KCNQ3: variants seen among roughly 807,000 people sequenced by gnomAD.
KCNQ3 encodes potassium voltage-gated channel subfamily KQT member 3.
In KCNQ3, 30 loss-of-function variants were observed where a neutral mutation model predicts 92.5. The ratio of observed to expected loss-of-function variants is 0.32; its 90% confidence interval spans 0.24 to 0.44. KCNQ3 has a LOEUF of 0.44. KCNQ3 is among the 20% of genes least tolerant of loss of function. The probability of loss-of-function intolerance (pLI) is 1.00; values close to 1 mark genes in which losing one functional copy is unlikely to be tolerated. For synonymous variants in KCNQ3, 450 were observed against 468.8 expected, an observed-to-expected ratio of 0.96 and a Z score of 0.52; for missense variants, 913 against 1,140.3, an observed-to-expected ratio of 0.80 and a Z score of 2.87.
chr8:132,418,362 G>C lies in KCNQ3; in HGVS notation c.386+61785C>G, dbSNP rs142887586. On this transcript the variant is annotated intron_variant, in intron 1 of 14. Coordinates refer to ENST00000388996, the MANE Select transcript of KCNQ3 (RefSeq NM_004519.4). ...GCGTGCTCACGGAAGGCTGGCAGGA[G>C]AGCAGAAAAAAGCAGGCGAGGGAGG... Among the ~76,000 whole-genome samples the C allele has an allele frequency of 7.9e-4, 121 of 152,276 alleles. 1 individual carries two copies. Among genetic ancestry groups the C allele is most frequent in the Admixed American group, 4.4e-3 (68 of 15,292 alleles).
chr8:132,465,497 C>T (rs960820088), intron 1 of KCNQ3, among the ~76,000 whole-genome samples: 2 of 151,946 alleles, frequency 1.3e-5, no homozygotes, highest in Admixed American at 6.6e-5. Context: ...GAGGCGGAGG[C>T]GGGAGGATCA....
intron 1 of KCNQ3, among the ~76,000 whole-genome samples, chr8:132,193,381 C>T (rs1009646233): frequency 6.6e-6 from 1 of 152,246 alleles, no homozygotes; most frequent in Non-Finnish European, 1.5e-5. Flanking sequence ...GCACGTGGCT[C>T]TAAAGCGGCA....
chr8:132,175,655 T>C lies in KCNQ3; in HGVS notation c.778-47A>G, dbSNP rs115153973. On this transcript the variant is annotated intron_variant, in intron 4 of 14. Coordinates refer to ENST00000388996, the MANE Select transcript of KCNQ3 (RefSeq NM_004519.4). ...ATGAAAAGTGGTCACTGGGGAGTCG[T>C]TGAGTGGATGCTGGAGCCAGACACA... 1.4e-3 allele frequency: 2,260 copies of C among 1,590,860 alleles called. 22 individuals carry two copies. The African/African-American group carries it at 0.027, about 19-fold the overall frequency.
chr8:132,287,289 A>G (rs958160568), intron 1 of KCNQ3, among the ~76,000 whole-genome samples: 12 of 152,220 alleles, frequency 7.9e-5, no homozygotes, highest in Non-Finnish European at 1.6e-4. Context: ...AAATGTAGGA[A>G]TATAAAAGGG....
At chr8:132,286,556 CT>C (rs1444017952) in intron 1 of KCNQ3, among the ~76,000 whole-genome samples, 10 of 152,082 alleles carry the variant, frequency 6.6e-5, no homozygotes, top group Non-Finnish European at 1.2e-4. Context: ...AGGAGCTTGC[CT>C]TGAGTCTCAG....
rs779686954 is a variant in KCNQ3 at position 132,127,091 on chromosome 8, G to A, written c.*2171C>T. 2.6e-5 allele frequency: 4 copies of A among 152,150 alleles called. No individual in the cohort carries two copies. Among genetic ancestry groups the A allele is most frequent in the Non-Finnish European group, 4.4e-5 (3 of 68,040 alleles). The allele number at this position is 152,150 out of a possible 1,614,324, so 9.4% of individuals were successfully genotyped here. ...ATTCAATAATCAAGCCCTCAGGAAG[G>A]GGCATAGGGTTTCTTAGGTTGTAAT... On this transcript the variant is annotated 3_prime_UTR_variant, in exon 15 of 15. Coordinates refer to ENST00000388996, the MANE Select transcript of KCNQ3 (RefSeq NM_004519.4).
intron 1 of KCNQ3, among the ~76,000 whole-genome samples, chr8:132,409,106 A>T (rs1161681585): frequency 6.6e-6 from 1 of 152,232 alleles, no homozygotes; most frequent in Non-Finnish European, 1.5e-5. Context: ...CAAGAAGCTC[A>T]TAGACACCTA....
chr8:132,290,043 T>G (rs1816796542), intron 1 of KCNQ3, among the ~76,000 whole-genome samples: 1 of 152,166 alleles, frequency 6.6e-6, no homozygotes, highest in African/African-American at 2.4e-5. Flanking sequence ...ACAGCAGACT[T>G]TAATTCATTT....
intron 1 of KCNQ3, among the ~76,000 whole-genome samples, chr8:132,269,273 A>T (rs947782898): frequency 6.6e-6 from 1 of 152,234 alleles, no homozygotes; most frequent in African/African-American, 2.4e-5. Flanking sequence ...TGCATTAAAA[A>T]ATCATTACCA....
chr8:132,399,042 A>G (rs1336512948), intron 1 of KCNQ3, among the ~76,000 whole-genome samples: 1 of 152,194 alleles, frequency 6.6e-6, no homozygotes, highest in Non-Finnish European at 1.5e-5. Context: ...AGGCATCGTA[A>G]AAGTCCACCA....
rs111733637 is a variant in KCNQ3 at position 132,391,167 on chromosome 8, T to C, written c.386+88980A>G. On this transcript the variant is annotated intron_variant, in intron 1 of 14. Coordinates refer to ENST00000388996, the MANE Select transcript of KCNQ3 (RefSeq NM_004519.4). Reference sequence around the variant, plus strand: ...GATTCTGCTGATAGTGCCTAGAGCATACCTTGTAAGTGCTAATGGGCACAA... The same window carrying C: ...GATTCTGCTGATAGTGCCTAGAGCACACCTTGTAAGTGCTAATGGGCACAA... Among the ~76,000 whole-genome samples, 1,463 of 152,314 alleles carry C rather than the reference T, an allele frequency of 9.6e-3. 23 individuals carry two copies. The highest frequency in any genetic ancestry group is 0.033 in the African/African-American group (1,365 of 41,568).
chr8:132,376,998 G>A lies in KCNQ3; in HGVS notation c.386+103149C>T, dbSNP rs546383478. ...ACAACGAAGGAGAGAGAGAGGAAAA[G>A]GGAATTGCGATGGTTAATTTCATGC... On this transcript the variant is annotated intron_variant, in intron 1 of 14. Coordinates refer to ENST00000388996, the MANE Select transcript of KCNQ3 (RefSeq NM_004519.4). 2.6e-5 allele frequency among the ~76,000 whole-genome samples: 4 copies of A among 152,346 alleles called. No individual in the cohort carries two copies. In the East Asian group the frequency reaches 7.7e-4, roughly 29 times the overall value.
intron 9 of KCNQ3, among the ~76,000 whole-genome samples, chr8:132,142,365 C>A (rs1337823850): frequency 1.3e-5 from 2 of 152,168 alleles, no homozygotes; most frequent in Admixed American, 6.5e-5. Context: ...CCTTTTTGAG[C>A]CTCAGTTACC....
chr8:132,198,296 C>T (rs2130247735), intron 1 of KCNQ3, among the ~76,000 whole-genome samples: 1 of 152,212 alleles, frequency 6.6e-6, no homozygotes, highest in South Asian at 2.1e-4. Context: ...TGTGAGGGAC[C>T]CTGAACAGAA....
chr8:132,180,179 G>A lies in KCNQ3; in HGVS notation c.755C>T (p.Ser252Leu). 1 of 1,614,156 alleles carries A rather than the reference G, an allele frequency of 6.2e-7. No individual in the cohort carries two copies. Among genetic ancestry groups the A allele is most frequent in the Non-Finnish European group, 8.5e-7 (1 of 1,180,026 alleles). Residue 252 changes from serine to leucine, a missense_variant, in exon 4 of 15, where the codon TCA (serine) becomes TTA (leucine). Ser to Leu is a moderately radical substitution (Grantham distance 145). Transcript: ENST00000388996. ...TACTTTGCTGTGGGCACAGATGGCT[G>A]AGCCCAGAAGCTTCCAGGTGCCACC... ...RRGGTWKLLG[S>L]AICAHSKELI...
chr8:132,147,503 C>T (rs763146391), intron 9 of KCNQ3, among the ~76,000 whole-genome samples: 9 of 152,022 alleles, frequency 5.9e-5, no homozygotes, highest in Non-Finnish European at 1.3e-4. Flanking sequence ...TGCTATATTC[C>T]CAGACTCTAT....
At chr8:132,288,242 T>C (rs533051102) in intron 1 of KCNQ3, among the ~76,000 whole-genome samples, 69 of 152,222 alleles carry the variant, frequency 4.5e-4, no homozygotes, top group Non-Finnish European at 8.1e-4. Context: ...CTAATAAAAT[T>C]GGATTAATTT....
At chr8:132,184,158 T>G in intron 3 of KCNQ3, 83 bp downstream of exon 3, 1 of 1,567,910 alleles carries the variant, frequency 6.4e-7, no homozygotes, top group Admixed American at 1.7e-5. Context: ...TTTCCCAGAA[T>G]AGCTGCTTAA....
rs11996240 is a variant in KCNQ3, at chr8:132,142,788, T to C, written c.1263-1457A>G. Among the ~76,000 whole-genome samples, 676 of 152,314 alleles carry C rather than the reference T, an allele frequency of 4.4e-3. 7 individuals are homozygous for C. The highest frequency in any genetic ancestry group is 0.016 in the African/African-American group (646 of 41,568). Reference sequence around the variant, plus strand: ...TCTGGTTAGGCTAGTCATGTGCCCCTGCCAGAAGCTGCTGCTACCTTTGAA... The same window carrying C: ...TCTGGTTAGGCTAGTCATGTGCCCCCGCCAGAAGCTGCTGCTACCTTTGAA... On this transcript the variant is annotated intron_variant, in intron 9 of 14. Coordinates refer to ENST00000388996, the MANE Select transcript of KCNQ3 (RefSeq NM_004519.4).
Sources: gnomAD v4.1 joint callset for allele counts (sites outside exome capture counted in the v4.1 genomes callset) on GRCh38, gnomAD v4.1.1 for gene constraint, MANE v1.5 for transcripts, NCBI Gene and HGNC (gene_info 2026-07-23, HGNC 2026-07-21) for gene names.